The following SNTG1 variants were observed in gnomAD, a reference collection of about 807,000 sequenced individuals.
SNTG1 encodes syntrophin gamma 1.
Under a neutral mutation model 74.7 loss-of-function variants are expected in SNTG1, and 39 were observed. That is an observed-to-expected ratio of 0.52 (90% CI 0.40 to 0.68). The LOEUF (loss-of-function observed/expected upper bound fraction) is 0.68, where lower values mean the gene tolerates loss of function less well. Among genes scored for constraint, SNTG1 ranks in the 30% least tolerant of loss-of-function variants. The probability of loss-of-function intolerance (pLI) is 0.00; values close to 1 mark genes in which losing one functional copy is unlikely to be tolerated. For missense variants in SNTG1, 685 were observed against 609.5 expected, an observed-to-expected ratio of 1.12 and a Z score of -1.30; for synonymous variants, 254 against 217.1, an observed-to-expected ratio of 1.17 and a Z score of -1.49.
intron 18 of SNTG1, among the ~76,000 whole-genome samples, chr8:50,780,393 T>A (rs1464123966): frequency 6.6e-6 from 1 of 152,232 alleles, no homozygotes; most frequent in Non-Finnish European, 1.5e-5. Flanking sequence ...CTATTACTGG[T>A]CTATTCAGAG....
At chr8:50,085,626 T>C (rs1158859048) in intron 1 of SNTG1, among the ~76,000 whole-genome samples, 1 of 152,192 alleles carries the variant, frequency 6.6e-6, no homozygotes, top group East Asian at 1.9e-4. Context: ...TAGTAGACAA[T>C]CTGTGCTGCA....
chr8:50,680,562 A>T (rs1440647453), intron 15 of SNTG1, among the ~76,000 whole-genome samples: 1 of 152,160 alleles, frequency 6.6e-6, no homozygotes, highest in Non-Finnish European at 1.5e-5. Flanking sequence ...AAGCTTGCAC[A>T]CATTGAAATG....
At chr8:50,068,725 T>C (rs938818419) in intron 1 of SNTG1, among the ~76,000 whole-genome samples, 2 of 152,158 alleles carry the variant, frequency 1.3e-5, no homozygotes, top group Non-Finnish European at 2.9e-5. Context: ...TTCACTACAG[T>C]ATCTGTAGTG....
chr8:50,745,841 G>T (rs2095553916), intron 17 of SNTG1, among the ~76,000 whole-genome samples: 1 of 151,904 alleles, frequency 6.6e-6, no homozygotes, highest in South Asian at 2.1e-4. Flanking sequence ...GAGACAGGAA[G>T]TAGAATAAAG....
intron 1 of SNTG1, among the ~76,000 whole-genome samples, chr8:49,987,156 C>T (rs1194004378): frequency 6.6e-6 from 1 of 151,996 alleles, no homozygotes; most frequent in Non-Finnish European, 1.5e-5. Context: ...ATACTGGACC[C>T]CAGGAGGGGG....
At chr8:50,639,328 T>C (rs1030319594) in intron 13 of SNTG1, among the ~76,000 whole-genome samples, 9 of 152,040 alleles carry the variant, frequency 5.9e-5, no homozygotes, top group African/African-American at 2.2e-4. Flanking sequence ...TGCCTCACTA[T>C]GTTTTTAATA....
intron 2 of SNTG1, among the ~76,000 whole-genome samples, chr8:50,329,612 G>A (rs1563905487): frequency 6.6e-6 from 1 of 151,900 alleles, no homozygotes; most frequent in Non-Finnish European, 1.5e-5. Context: ...GAGATCCCAA[G>A]GCTACACACA....
chr8:50,729,586 A>G (rs748572044), intron 17 of SNTG1, among the ~76,000 whole-genome samples: 29 of 152,162 alleles, frequency 1.9e-4, no homozygotes, highest in Non-Finnish European at 4.0e-4. Context: ...ATCCATGTCC[A>G]ATATTTCATT....
chr8:50,530,408 T>G (rs2094257331), intron 10 of SNTG1, 149 bp downstream of exon 10: 1 of 809,776 alleles, frequency 1.2e-6, no homozygotes, highest in Non-Finnish European at 1.9e-6. Flanking sequence ...GCAAAATAAA[T>G]AGATCAGGTT....
At chr8:50,580,482 T>G (rs1255509498) in intron 12 of SNTG1, among the ~76,000 whole-genome samples, 2 of 152,102 alleles carry the variant, frequency 1.3e-5, no homozygotes, top group Non-Finnish European at 2.9e-5. Flanking sequence ...ATGGTTGGGT[T>G]GTGTCCCCAC....
At chr8:50,324,696 G>A (rs1490268243) in intron 2 of SNTG1, among the ~76,000 whole-genome samples, 1 of 151,812 alleles carries the variant, frequency 6.6e-6, no homozygotes, top group African/African-American at 2.4e-5. Context: ...CCAATATATG[G>A]CTTCTCTTCT....
chr8:50,117,700 T>C (rs1385483309), intron 1 of SNTG1, among the ~76,000 whole-genome samples: 1 of 152,174 alleles, frequency 6.6e-6, no homozygotes, highest in Non-Finnish European at 1.5e-5. Context: ...GCGAAGTCTC[T>C]CTCCTGGTCA....
At chr8:50,749,025 G>A (rs1563804943) in intron 17 of SNTG1, among the ~76,000 whole-genome samples, 1 of 152,030 alleles carries the variant, frequency 6.6e-6, no homozygotes, top group Non-Finnish European at 1.5e-5. Flanking sequence ...GGTGAGAAAG[G>A]CGTGTTGAAA....
At chr8:50,587,845 C>T (rs566934984) in intron 12 of SNTG1, among the ~76,000 whole-genome samples, 1 of 151,244 alleles carries the variant, frequency 6.6e-6, no homozygotes, top group African/African-American at 2.4e-5. Flanking sequence ...CGGCTCATGG[C>T]TCATGCCTGT....
At chr8:50,510,344 G>A (rs906509220) in intron 9 of SNTG1, among the ~76,000 whole-genome samples, 10 of 152,048 alleles carry the variant, frequency 6.6e-5, no homozygotes, top group East Asian at 1.9e-4. Flanking sequence ...TTTTTGCATC[G>A]ATGTTCATGA....
chr8:50,369,456 G>C (rs1023573954), intron 2 of SNTG1, among the ~76,000 whole-genome samples: 1 of 151,902 alleles, frequency 6.6e-6, no homozygotes, highest in Non-Finnish European at 1.5e-5. Flanking sequence ...ATTAGCCAGG[G>C]GTGGTAGTGC....
intron 4 of SNTG1, among the ~76,000 whole-genome samples, chr8:50,406,498 A>G (rs956857650): frequency 7.2e-5 from 11 of 152,136 alleles, no homozygotes; most frequent in African/African-American, 2.4e-4. Flanking sequence ...AAGTTTACTT[A>G]TTCCTTTCAA....
chr8:50,121,399 A>C (rs1358399638), intron 1 of SNTG1, among the ~76,000 whole-genome samples: 2 of 142,062 alleles, frequency 1.4e-5, no homozygotes, highest in African/African-American at 2.6e-5. Flanking sequence ...AACCCTGTAC[A>C]TTCTGGAATG....
intron 8 of SNTG1, among the ~76,000 whole-genome samples, chr8:50,466,410 C>A (rs1418708459): frequency 1.3e-5 from 2 of 151,856 alleles, no homozygotes; most frequent in Non-Finnish European, 2.9e-5. Context: ...CATGTGTATT[C>A]TTTTGCCAAC....
Sources: allele counts gnomAD v4.1 joint callset (sites outside exome capture counted in the v4.1 genomes callset), GRCh38; gene constraint gnomAD v4.1.1; transcripts MANE v1.5; gene names NCBI Gene and HGNC (gene_info 2026-07-23, HGNC 2026-07-21).